ESRRG: variants seen among roughly 807,000 people sequenced by gnomAD.
ESRRG encodes the protein estrogen related receptor gamma.
ESRRG carries 13 observed loss-of-function variants against 44.0 expected under a neutral mutation model. That is an observed-to-expected ratio of 0.30 (90% CI 0.19 to 0.47). ESRRG has a LOEUF of 0.47. Among genes scored for constraint, ESRRG ranks in the 20% least tolerant of loss-of-function variants. ESRRG has a pLI of 1.00. For missense variants in ESRRG, 395 were observed against 580.6 expected (o/e 0.68, Z 3.29); for synonymous variants, 215 against 214.6 (o/e 1.00, Z -0.02).
chr1:217,065,644 T>C (rs572125896), intron 1 of ESRRG, among the ~76,000 whole-genome samples: 4 of 152,316 alleles, frequency 2.6e-5, no homozygotes, highest in Admixed American at 2.6e-4. Context: ...CTGGATACTG[T>C]CTGCCATTTA....
At chr1:216,792,794 G>T (rs2094358980) in intron 2 of ESRRG, among the ~76,000 whole-genome samples, 1 of 152,118 alleles carries the variant, frequency 6.6e-6, no homozygotes, top group Non-Finnish European at 1.5e-5. Flanking sequence ...AAGAAAAATT[G>T]CTTAGCTACA....
At chr1:216,740,630 TAA>T (rs779510343) in intron 2 of ESRRG, among the ~76,000 whole-genome samples, 4 of 141,582 alleles carry the variant, frequency 2.8e-5, no homozygotes, top group African/African-American at 7.7e-5. Context: ...TGCTTAACAT[TAA>T]AAAAAAAAAG....
chr1:217,011,508 C>A (rs2078609201), intron 1 of ESRRG, among the ~76,000 whole-genome samples: 1 of 152,202 alleles, frequency 6.6e-6, no homozygotes, highest in African/African-American at 2.4e-5. Flanking sequence ...GCTTCCTCTA[C>A]ACATTAGCTA....
At chr1:216,881,564 A>T (rs931107880) in intron 2 of ESRRG, among the ~76,000 whole-genome samples, 2 of 151,694 alleles carry the variant, frequency 1.3e-5, no homozygotes, top group Non-Finnish European at 2.9e-5. Flanking sequence ...AGAACAAAAA[A>T]TTTTTTTTCT....
chr1:216,740,554 G>A (rs990057033), intron 2 of ESRRG, among the ~76,000 whole-genome samples: 6 of 151,474 alleles, frequency 4.0e-5, no homozygotes, highest in Non-Finnish European at 7.4e-5. Flanking sequence ...GACAAAAAAA[G>A]CACAAGGGGA....
chr1:217,123,762 AG>A (rs544069039), intron 1 of ESRRG, among the ~76,000 whole-genome samples: 1 of 152,054 alleles, frequency 6.6e-6, no homozygotes, highest in East Asian at 1.9e-4. Flanking sequence ...AGGGGAGAGT[AG>A]GGGGGCAGCA....
chr1:216,948,476 C>CAAAAAAA (rs5780948), intron 1 of ESRRG, among the ~76,000 whole-genome samples: 6 of 103,384 alleles, frequency 5.8e-5, no homozygotes, highest in Admixed American at 1.1e-4. Context: ...GACTCCATCT[C>CAAAAAAA]AAAAAAAAAA....
chr1:216,697,423 CTGAG>C (rs752185025), intron 1 of ESRRG, among the ~76,000 whole-genome samples: 2 of 152,184 alleles, frequency 1.3e-5, no homozygotes, highest in African/African-American at 2.4e-5. Flanking sequence ...GTAATGTAGT[CTGAG>C]TTTTACCAAT....
At chr1:217,064,494 C>T (rs978968834) in intron 1 of ESRRG, among the ~76,000 whole-genome samples, 1 of 152,066 alleles carries the variant, frequency 6.6e-6, no homozygotes, top group Non-Finnish European at 1.5e-5. Flanking sequence ...TGTGCCCCTA[C>T]CAAATGGACC....
intron 2 of ESRRG, among the ~76,000 whole-genome samples, chr1:216,842,485 TC>T (rs2095667793): frequency 6.6e-6 from 1 of 152,172 alleles, no homozygotes; most frequent in Admixed American, 6.6e-5. Context: ...TGGCTGAGAT[TC>T]CATTTGTCTT....
At chr1:216,941,278 G>A (rs1329174350) in intron 1 of ESRRG, among the ~76,000 whole-genome samples, 1 of 152,126 alleles carries the variant, frequency 6.6e-6, no homozygotes, top group Non-Finnish European at 1.5e-5. Flanking sequence ...TAAAAAGAAA[G>A]CACAGGACTC....
At chr1:216,696,281 C>T (rs1170919141) in intron 1 of ESRRG, among the ~76,000 whole-genome samples, 2 of 152,276 alleles carry the variant, frequency 1.3e-5, no homozygotes, top group South Asian at 2.1e-4. Flanking sequence ...CTCTGCACTA[C>T]AAAATGCTGT....
chr1:216,949,913 G>T (rs1344808448), intron 1 of ESRRG, among the ~76,000 whole-genome samples: 1 of 151,874 alleles, frequency 6.6e-6, no homozygotes, highest in Non-Finnish European at 1.5e-5. Flanking sequence ...CCCGGGCTCA[G>T]GCCATTCTCC....
chr1:217,074,636 G>T (rs538687261), intron 1 of ESRRG, among the ~76,000 whole-genome samples: 1 of 152,024 alleles, frequency 6.6e-6, no homozygotes, highest in South Asian at 2.1e-4. Flanking sequence ...CTAGGAACTC[G>T]AGAACAACCT....
At chr1:216,666,931 T>C (rs1472774592) in intron 2 of ESRRG, among the ~76,000 whole-genome samples, 1 of 151,984 alleles carries the variant, frequency 6.6e-6, no homozygotes, top group Non-Finnish European at 1.5e-5. Context: ...AAGAGAACTC[T>C]CCTCCCCCCA....
chr1:216,727,090 A>T (rs1159844428), upstream of ESRRG, among the ~76,000 whole-genome samples: 1 of 152,200 alleles, frequency 6.6e-6, no homozygotes, highest in Non-Finnish European at 1.5e-5. Context: ...ACTAACCTTC[A>T]TTAAAATGTT....
chr1:216,788,751 G>A (rs1419160775), intron 2 of ESRRG, among the ~76,000 whole-genome samples: 1 of 152,142 alleles, frequency 6.6e-6, no homozygotes, highest in East Asian at 1.9e-4. Context: ...TTTTGTAGAG[G>A]ATTCACCATT....
At chr1:216,561,026 G>T (rs373430588) in intron 5 of ESRRG, among the ~76,000 whole-genome samples, 6 of 152,122 alleles carry the variant, frequency 3.9e-5, no homozygotes, top group Middle Eastern at 3.4e-3. Flanking sequence ...ATTTTCTAAA[G>T]CCCTTGTGAT....
chr1:217,089,657 C>T (rs1036838907), upstream of ESRRG: 2 of 152,114 alleles, frequency 1.3e-5, no homozygotes, highest in Non-Finnish European at 2.9e-5. Context: ...ACTGGGCTCC[C>T]GCGACCTCGG....
Sources: allele counts gnomAD v4.1 joint callset (sites outside exome capture counted in the v4.1 genomes callset), GRCh38; gene constraint gnomAD v4.1.1; transcripts MANE v1.5; gene names NCBI Gene and HGNC (gene_info 2026-07-23, HGNC 2026-07-21).